CEP83: variants seen among roughly 807,000 people sequenced by gnomAD.
CEP83 encodes the protein centrosomal protein 83.
In CEP83, 70 loss-of-function variants were observed where a neutral mutation model predicts 101.9. The observed-to-expected ratio is 0.69, with a 90% CI of 0.57 to 0.84. The LOEUF is 0.84. CEP83 is among the 40% of genes least tolerant of loss of function. The probability of loss-of-function intolerance (pLI) is 0.00; values close to 1 mark genes in which losing one functional copy is unlikely to be tolerated. For synonymous variants in CEP83, 264 were observed against 267.9 expected, an observed-to-expected ratio of 0.99 and a Z score of 0.14; for missense variants, 715 against 787.2, an observed-to-expected ratio of 0.91 and a Z score of 1.10.
At chr12:94,357,264 C>A (rs1446878030) in intron 11 of CEP83, among the ~76,000 whole-genome samples, 1 of 152,098 alleles carries the variant, frequency 6.6e-6, no homozygotes, top group East Asian at 1.9e-4. Context: ...ACCTTGTTGG[C>A]ACAGGCAATG....
downstream of CEP83, among the ~76,000 whole-genome samples, chr12:94,303,014 T>C (rs1263741510): frequency 6.6e-6 from 1 of 152,252 alleles, no homozygotes; most frequent in Non-Finnish European, 1.5e-5. Context: ...TTCAGCCTCA[T>C]GGGCTGGGAC....
At chr12:94,285,172 G>A in the CEP83 span, among the ~76,000 whole-genome samples, 1 of 152,204 alleles carries the variant, frequency 6.6e-6, no homozygotes, top group African/African-American at 2.4e-5. Context: ...AAGACAGGAG[G>A]AGGAGCAGCT....
the CEP83 span, chr12:94,297,166 C>T: frequency 6.2e-7 from 1 of 1,612,154 alleles, no homozygotes; most frequent in Non-Finnish European, 8.5e-7. Flanking sequence ...ACTGCTTTCT[C>T]TCCCTCTTTC....
chr12:94,287,473 C>T, the CEP83 span, among the ~76,000 whole-genome samples: 8 of 152,068 alleles, frequency 5.3e-5, no homozygotes, highest in Non-Finnish European at 8.8e-5. Context: ...TTGGCTGGGC[C>T]GAGTTATTGC....
Position 94,335,654 on chromosome 12 carries a change from G to C in CEP83, c.1354C>G (p.Gln452Glu). 2.5e-6 allele frequency: 4 copies of C among 1,580,878 alleles called. No homozygotes were observed. The highest frequency in any genetic ancestry group is 3.4e-6 in the Non-Finnish European group (4 of 1,162,496). ...TTTTCAATAGTCACAATTTGTTGCT[G>C]AAGTTTTAACCTAAAAATCACAACC... ...KELQSVRLKL[Q>E]QQIVTIENAE... The change falls in exon 12 of 17, where the codon CAG (glutamine) becomes GAG (glutamate). Residue 452 changes from glutamine (Q) to glutamate (E), a missense_variant. Gln to Glu is a conservative substitution (Grantham distance 29). Transcript: ENST00000397809.
intron 11 of CEP83, among the ~76,000 whole-genome samples, chr12:94,359,147 G>A (rs994749189): frequency 2.6e-5 from 4 of 152,182 alleles, no homozygotes; most frequent in Non-Finnish European, 5.9e-5. Flanking sequence ...CTGGTTTGCT[G>A]TTAATAAATA....
At chr12:94,380,403 G>T (rs919336783) in intron 6 of CEP83, among the ~76,000 whole-genome samples, 1 of 152,122 alleles carries the variant, frequency 6.6e-6, no homozygotes, top group Non-Finnish European at 1.5e-5. Flanking sequence ...ATTTATCCTT[G>T]AAGGCAGCTG....
intron 1 of CEP83, among the ~76,000 whole-genome samples, chr12:94,442,906 G>C (rs1015373256): frequency 2.6e-5 from 4 of 151,902 alleles, no homozygotes; most frequent in African/African-American, 9.7e-5. Flanking sequence ...CCCATTTCTA[G>C]AGCCATCACA....
chr12:94,356,826 T>C (rs2060499051), intron 11 of CEP83, among the ~76,000 whole-genome samples: 1 of 152,200 alleles, frequency 6.6e-6, no homozygotes, highest in African/African-American at 2.4e-5. Flanking sequence ...GAAGCTTCCA[T>C]TTGGGCTGCT....
At position 94,424,305 on chromosome 12, in the gene CEP83, G is replaced by A. The variant is rs1444150585; in HGVS notation, c.-102+10970C>T. On this transcript the variant is annotated intron_variant, in intron 2 of 16. Coordinates refer to ENST00000397809, the MANE Select transcript of CEP83 (RefSeq NM_016122.3). ...ATTCCTTGGTTCTGTCGTTTCTTTGGCCCGCCATCAGCAAATTTGCAAAGC... is the reference window on the plus strand; with the variant it reads ...ATTCCTTGGTTCTGTCGTTTCTTTGACCCGCCATCAGCAAATTTGCAAAGC... 7.4e-6 allele frequency: 12 copies of A among 1,613,992 alleles called. No individual in the cohort carries two copies. In the South Asian group the frequency reaches 7.7e-5, roughly 10 times the overall value.
intron 2 of CEP83, among the ~76,000 whole-genome samples, 185 bp downstream of exon 2, chr12:94,435,090 A>G (rs565918967): frequency 6.6e-6 from 1 of 152,288 alleles, no homozygotes; most frequent in East Asian, 1.9e-4. Flanking sequence ...AGCTTCATCT[A>G]TTACTTTATC....
chr12:94,409,526 C>T (rs888243118), intron 4 of CEP83, among the ~76,000 whole-genome samples: 2 of 152,134 alleles, frequency 1.3e-5, no homozygotes, highest in Non-Finnish European at 2.9e-5. Context: ...GGTTCTCTAG[C>T]ACTGAAAGCA....
At chr12:94,419,215 TTA>T (rs1464739875) in intron 2 of CEP83, among the ~76,000 whole-genome samples, 2 of 152,146 alleles carry the variant, frequency 1.3e-5, no homozygotes, top group East Asian at 3.8e-4. Flanking sequence ...AAAATATTTT[TTA>T]TTTTTTTCAA....
chr12:94,275,667 A>ATTT, the CEP83 span, among the ~76,000 whole-genome samples: 1 of 94,828 alleles, frequency 1.1e-5, no homozygotes, highest in African/African-American at 4.4e-5. Context: ...TCCCGGCTAA[A>ATTT]ACGGTGAAAC....
At chr12:94,429,052 C>G (rs1208408590) in intron 2 of CEP83, among the ~76,000 whole-genome samples, 1 of 152,184 alleles carries the variant, frequency 6.6e-6, no homozygotes, top group Non-Finnish European at 1.5e-5. Flanking sequence ...TTTAAACTTT[C>G]TGGACTTAAA....
At chr12:94,423,539 C>A (rs963399270) in intron 2 of CEP83, among the ~76,000 whole-genome samples, 1 of 149,952 alleles carries the variant, frequency 6.7e-6, no homozygotes, top group African/African-American at 2.5e-5. Flanking sequence ...ATGGCTCCCC[C>A]AGGCTCCATC....
At chr12:94,413,840 A>T (rs539376899) in intron 2 of CEP83, among the ~76,000 whole-genome samples, 1 of 151,334 alleles carries the variant, frequency 6.6e-6, no homozygotes, top group East Asian at 1.9e-4. Context: ...ACACACACAC[A>T]CACACACACA....
At chr12:94,297,320 T>C in the CEP83 span, 2 of 1,613,866 alleles carry the variant, frequency 1.2e-6, no homozygotes, top group African/African-American at 2.7e-5. Flanking sequence ...CTTCAGATTT[T>C]ACCAGATTCG....
downstream of CEP83, chr12:94,305,558 C>T (rs1203718247): frequency 2.2e-5 from 8 of 356,036 alleles, no homozygotes; most frequent in East Asian, 3.0e-4. Context: ...GGCCAGTAAG[C>T]GAATGTCAGT....
Sources: gnomAD v4.1 joint callset for allele counts (sites outside exome capture counted in the v4.1 genomes callset) on GRCh38, gnomAD v4.1.1 for gene constraint, MANE v1.5 for transcripts, NCBI Gene and HGNC (gene_info 2026-07-23, HGNC 2026-07-21) for gene names.